Variants in WDR72 observed in about 807,000 individuals in gnomAD.
WDR72 encodes WD repeat-containing protein 72.
A neutral mutation model predicts 124.2 loss-of-function variants in WDR72; 120 were observed. That is an observed-to-expected ratio of 0.97 (90% CI 0.83 to 1.12). WDR72 has a LOEUF of 1.12. Among genes scored for constraint, WDR72 ranks in the 50% most tolerant of loss-of-function variants. The probability of loss-of-function intolerance (pLI) is 0.00; values close to 1 mark genes in which losing one functional copy is unlikely to be tolerated. For missense variants in WDR72, 1,387 were observed against 1,278.8 expected, an observed-to-expected ratio of 1.08 and a Z score of -1.29; for synonymous variants, 452 against 441.7, an observed-to-expected ratio of 1.02 and a Z score of -0.29.
intron 13 of WDR72, among the ~76,000 whole-genome samples, chr15:53,690,788 G>T (rs1040630943): frequency 6.6e-6 from 1 of 151,996 alleles, no homozygotes; most frequent in Non-Finnish European, 1.5e-5. Flanking sequence ...TTTCTGTGTG[G>T]GTATGTTTTT....
chr15:53,752,565 T>G (rs569686881), intron 1 of WDR72, among the ~76,000 whole-genome samples: 54 of 152,224 alleles, frequency 3.5e-4, no homozygotes, highest in Middle Eastern at 3.4e-3. Context: ...CGTCTCACCC[T>G]CAGAAGGAAC....
At chr15:53,574,136 G>A (rs1423730828) in intron 18 of WDR72, among the ~76,000 whole-genome samples, 1 of 152,086 alleles carries the variant, frequency 6.6e-6, no homozygotes, top group East Asian at 1.9e-4. Context: ...TTTCAATTCT[G>A]TATTACAATA....
intron 14 of WDR72, among the ~76,000 whole-genome samples, chr15:53,649,131 A>C (rs1184822737): frequency 1.3e-5 from 2 of 152,168 alleles, no homozygotes; most frequent in African/African-American, 4.8e-5. Context: ...TGCAGAGGTC[A>C]AGAAACAATG....
chr15:53,581,561 T>C (rs17662393), intron 18 of WDR72, among the ~76,000 whole-genome samples: 17,307 of 152,102 alleles, frequency 0.11, 1,134 homozygotes, highest in African/African-American at 0.17. Flanking sequence ...GTGCTTTACA[T>C]AGGAGATGGA....
At position 53,668,735 on chromosome 15, in the gene WDR72, T is replaced by C. The variant is rs78982424; in HGVS notation, c.1766-2967A>G. 1.3e-3 allele frequency among the ~76,000 whole-genome samples: 195 copies of C among 151,794 alleles called. No individual in the cohort carries two copies. The East Asian group carries it at 0.014, about 11-fold the overall frequency. On this transcript the variant is annotated intron_variant, in intron 13 of 19. Transcript: ENST00000360509. The stretch of plus-strand genomic sequence containing the variant: ...CCTGGGCAACATTGGAGAAACTCCA[T>C]CTTTACAAAAAAATACAAAAATTAG...
At chr15:53,623,722 A>G (rs564128297) in intron 14 of WDR72, among the ~76,000 whole-genome samples, 3 of 152,296 alleles carry the variant, frequency 2.0e-5, no homozygotes, top group Non-Finnish European at 4.4e-5. Flanking sequence ...AAATCTCCAC[A>G]CTGCCTTCCA....
At chr15:53,595,458 AAT>A (rs1454612930) in intron 18 of WDR72, among the ~76,000 whole-genome samples, 3 of 152,162 alleles carry the variant, frequency 2.0e-5, no homozygotes, top group Non-Finnish European at 4.4e-5. Flanking sequence ...TGAAACCTCA[AAT>A]ATGAGTAAGC....
At chr15:53,650,007 G>T (rs145754302) in intron 14 of WDR72, among the ~76,000 whole-genome samples, 1 of 152,266 alleles carries the variant, frequency 6.6e-6, no homozygotes, top group African/African-American at 2.4e-5. Context: ...GTTTATTGCA[G>T]CATCACAATA....
At chr15:53,739,116 G>C (rs1027316893) in intron 1 of WDR72, among the ~76,000 whole-genome samples, 7 of 152,068 alleles carry the variant, frequency 4.6e-5, no homozygotes, top group Non-Finnish European at 8.8e-5. Flanking sequence ...CCTAAGTAAA[G>C]CAAAATGACA....
At chr15:53,523,367 A>G in intron 18 of WDR72, 45 bp from the exon 19 acceptor site, 1 of 1,579,046 alleles carries the variant, frequency 6.3e-7, no homozygotes, top group Non-Finnish European at 8.7e-7. Flanking sequence ...AAGAGAGAGG[A>G]TGAAAAAGTA....
intron 18 of WDR72, among the ~76,000 whole-genome samples, chr15:53,534,777 A>G (rs1046321826): frequency 3.9e-5 from 6 of 152,168 alleles, no homozygotes; most frequent in Non-Finnish European, 8.8e-5. Flanking sequence ...GGTAACCAGA[A>G]GTAGAAAATA....
intron 1 of WDR72, among the ~76,000 whole-genome samples, chr15:53,753,634 C>T (rs1001380398): frequency 1.3e-5 from 2 of 152,174 alleles, no homozygotes; most frequent in South Asian, 2.1e-4. Context: ...CCTATCTCAC[C>T]ACTTGATTAT....
At chr15:53,533,696 G>C (rs1468734889) in intron 18 of WDR72, among the ~76,000 whole-genome samples, 1 of 152,072 alleles carries the variant, frequency 6.6e-6, no homozygotes, top group African/African-American at 2.4e-5. Flanking sequence ...TATAGTTAGA[G>C]GAGACTGCTC....
At chr15:53,701,985 T>C (rs1021522856) in intron 12 of WDR72, 149 bp downstream of exon 12, 4 of 524,480 alleles carry the variant, frequency 7.6e-6, no homozygotes, top group Non-Finnish European at 9.7e-6. Flanking sequence ...GAAATAAATA[T>C]ATATGAATCA....
Position 53,615,454 on chromosome 15 carries a change from G to A in WDR72, c.2752C>T (p.Pro918Ser). The A allele has an allele frequency of 1.2e-6, 2 of 1,611,210 alleles. No individual in the cohort carries two copies. Among genetic ancestry groups the A allele is most frequent in the Non-Finnish European group, 1.7e-6 (2 of 1,178,704 alleles). ...LFLVNKLVNM[P>S]LELACRVGSS... ...CCAACTCTACATGCCAATTCTAAAG[G>A]CATGTTAACTAATTTATTAACTAAA... is the stretch of plus-strand genomic sequence containing the variant. Residue 918 changes from proline (P) to serine (S), a missense_variant, in exon 15 of 20, where the codon CCT (proline) becomes TCT (serine). Transcript: ENST00000360509.
chr15:53,756,727 T>G (rs868198231), intron 1 of WDR72: 10 of 152,316 alleles, frequency 6.6e-5, no homozygotes, highest in African/African-American at 1.7e-4. Context: ...CTTCATGCGG[T>G]CCTCATAATA....
At chr15:53,670,766 G>C (rs1445065910) in intron 13 of WDR72, among the ~76,000 whole-genome samples, 1 of 152,096 alleles carries the variant, frequency 6.6e-6, no homozygotes, top group Non-Finnish European at 1.5e-5. Flanking sequence ...TAGAGGTTTC[G>C]GCACACAGTG....
At chr15:53,685,039 T>A (rs1448273567) in intron 13 of WDR72, among the ~76,000 whole-genome samples, 1 of 152,094 alleles carries the variant, frequency 6.6e-6, no homozygotes, top group South Asian at 2.1e-4. Context: ...GGAAAGGACA[T>A]CCACACCAAA....
At chr15:53,713,144 C>T (rs967670918) in intron 6 of WDR72, among the ~76,000 whole-genome samples, 4 of 147,890 alleles carry the variant, frequency 2.7e-5, no homozygotes, top group African/African-American at 1.0e-4. Flanking sequence ...GTATGTACTC[C>T]TGAAAGTTTA....
Sources: gnomAD v4.1 joint callset for allele counts (sites outside exome capture counted in the v4.1 genomes callset) on GRCh38, gnomAD v4.1.1 for gene constraint, MANE v1.5 for transcripts, NCBI Gene and HGNC (gene_info 2026-07-23, HGNC 2026-07-21) for gene names.